Variants in ERC1 observed in about 807,000 individuals in gnomAD.
The protein encoded by ERC1 is ELKS/RAB6-interacting/CAST family member 1.
In ERC1, 56 loss-of-function variants were observed where a neutral mutation model predicts 132.0. That is an observed-to-expected ratio of 0.42 (90% confidence interval 0.34 to 0.53). The LOEUF is 0.53. ERC1 is among the 20% of genes least tolerant of loss of function. The pLI, the probability that ERC1 is intolerant of heterozygous loss-of-function variation, is 0.03. For synonymous variants in ERC1, 478 were observed against 476.1 expected, an observed-to-expected ratio of 1.00 and a Z score of -0.05; for missense variants, 1,202 against 1,349.9, an observed-to-expected ratio of 0.89 and a Z score of 1.72.
intron 8 of ERC1, among the ~76,000 whole-genome samples, chr12:1,154,266 TATACACATATAC>T (rs1408207264): frequency 1.3e-5 from 2 of 149,180 alleles, no homozygotes; most frequent in Non-Finnish European, 3.0e-5. Flanking sequence ...TATGTGTATA[TATACACATATAC>T]ATGTATATAT....
chr12:1,439,772 G>C (rs1157198169), intron 17 of ERC1, among the ~76,000 whole-genome samples: 1 of 152,134 alleles, frequency 6.6e-6, no homozygotes, highest in East Asian at 1.9e-4. Flanking sequence ...TATAACTTAC[G>C]GGTCCTGTAA....
intron 15 of ERC1, among the ~76,000 whole-genome samples, chr12:1,306,420 G>C (rs2080888087): frequency 6.6e-6 from 1 of 152,172 alleles, no homozygotes; most frequent in Non-Finnish European, 1.5e-5. Flanking sequence ...ATTTCCTGTG[G>C]AGATAAGACA....
chr12:1,460,958 C>CTTTTTTTTTTTTTTTTTTTTTTTTT (rs35505633), intron 18 of ERC1, among the ~76,000 whole-genome samples: 2 of 64,912 alleles, frequency 3.1e-5, no homozygotes, highest in African/African-American at 1.2e-4. Context: ...TGAGGAGGCC[C>CTTTTTTTTTTTTTTTTTTTTTTTTT]TTTTTTTTTT....
chr12:1,065,504 G>GTGTA (rs1938973263), intron 2 of ERC1, among the ~76,000 whole-genome samples: 3 of 150,878 alleles, frequency 2.0e-5, no homozygotes, highest in Middle Eastern at 3.4e-3. Flanking sequence ...GTGTGTGTGT[G>GTGTA]TGTGTGTGTG....
chr12:1,132,715 G>GC (rs1948878828), intron 7 of ERC1, among the ~76,000 whole-genome samples: 2 of 16,292 alleles, frequency 1.2e-4, no homozygotes. Context: ...AGATGGAAAG[G>GC]CTTTTTTCTG....
Position 1,141,650 on chromosome 12 carries a change from A to G in ERC1, c.1600A>G (p.Lys534Glu). 6.2e-7 allele frequency: 1 copy of G among 1,612,628 alleles called. No individual in the cohort carries two copies. The highest frequency in any genetic ancestry group is 8.5e-7 in the Non-Finnish European group (1 of 1,179,170). Residue 534 changes from lysine to glutamate, a missense_variant, in exon 8 of 19, where the codon AAG becomes GAG. By Grantham distance (56) the Lys-to-Glu change is moderately conservative. Transcript: ENST00000360905. ...VDALRLRLEE[K>E]ETMLNKKTKQ... is the part of the protein sequence containing the mutation. Reference sequence around the variant, plus strand: ...TGCTCTCCGATTGCGTTTGGAAGAGAAGGAAACCATGTTGAATAAAAAGAC... The same window carrying G: ...TGCTCTCCGATTGCGTTTGGAAGAGGAGGAAACCATGTTGAATAAAAAGAC...
rs1363467843 is a variant in ERC1, at chr12:1,492,152, G to A, written c.*1922G>A. 6 of 232,700 alleles carry A rather than the reference G, an allele frequency of 2.6e-5. No homozygotes were observed. Among genetic ancestry groups the A allele is most frequent in the Admixed American group, 5.6e-5 (1 of 17,770 alleles). The allele number at this position is 232,700 out of a possible 1,614,324, so 14.4% of individuals were successfully genotyped here. On this transcript the variant is annotated 3_prime_UTR_variant, in exon 19 of 19. Transcript: ENST00000360905. ...AGGAAACTGTGGAGCGTTTCTTATCGAAGGTTAAATGGACTCTGCTCATAA... is the reference window on the plus strand; with the variant it reads ...AGGAAACTGTGGAGCGTTTCTTATCAAAGGTTAAATGGACTCTGCTCATAA...
intron 16 of ERC1, among the ~76,000 whole-genome samples, chr12:1,379,280 C>G (rs747057660): frequency 8.5e-5 from 13 of 152,148 alleles, no homozygotes; most frequent in African/African-American, 2.9e-4. Flanking sequence ...AGTACATTCT[C>G]CACTTTCTAC....
Position 1,237,392 on chromosome 12 carries a change from T to C in ERC1, c.2487+488T>C, listed in dbSNP as rs542219170. Among the ~76,000 whole-genome samples, 21 of 152,342 alleles carry C rather than the reference T, an allele frequency of 1.4e-4. No individual in the cohort carries two copies. The South Asian group carries it at 3.9e-3, about 29-fold the overall frequency. ...AAGAATATTTTACAGTCATACAGAA[T>C]GTGACATATAAACTGTATTTTTTCA... On this transcript the variant is annotated intron_variant, in intron 13 of 18. Transcript: ENST00000360905.
At chr12:1,143,329 C>CGTGTGTGTGTGTGTGTGTGT (rs4017792) in intron 8 of ERC1, among the ~76,000 whole-genome samples, 2 of 128,890 alleles carry the variant, frequency 1.6e-5, no homozygotes, top group Non-Finnish European at 3.3e-5. Flanking sequence ...GCTTTTGACT[C>CGTGTGTGTGTGTGTGTGTGT]GTGTGTGTGT....
chr12:1,047,374 A>G (rs79225972), intron 2 of ERC1, among the ~76,000 whole-genome samples: 8,192 of 152,162 alleles, frequency 0.054, 369 homozygotes, highest in Admixed American at 0.15. Context: ...TTTAATGTCT[A>G]TATATATTCT....
intron 2 of ERC1, among the ~76,000 whole-genome samples, chr12:1,064,244 T>C (rs1239092693): frequency 6.6e-6 from 1 of 151,278 alleles, no homozygotes; most frequent in Non-Finnish European, 1.5e-5. Context: ...TTGAGAGACA[T>C]TATTCTGTTT....
At chr12:1,196,799 A>G (rs1348293388) in intron 12 of ERC1, among the ~76,000 whole-genome samples, 3 of 82,888 alleles carry the variant, frequency 3.6e-5, no homozygotes, top group Admixed American at 2.2e-4. Flanking sequence ...GCATGTGCGC[A>G]CGCTATTTCT....
At chr12:1,237,024 T>C (rs921193156) in intron 13 of ERC1, 120 bp downstream of exon 13, 31 of 1,192,630 alleles carry the variant, frequency 2.6e-5, no homozygotes, top group Admixed American at 1.5e-4. Context: ...GCTTGCTGCC[T>C]TCCTCTCAGA....
intron 11 of ERC1, 90 bp from the exon 12 acceptor site, chr12:1,189,768 CT>C: frequency 1.0e-6 from 1 of 1,004,916 alleles, no homozygotes; most frequent in Non-Finnish European, 1.4e-6. Context: ...TAATTCTGTA[CT>C]TAAATTGGAA....
chr12:1,211,602 C>T (rs960412517), intron 12 of ERC1, among the ~76,000 whole-genome samples: 1 of 152,156 alleles, frequency 6.6e-6, no homozygotes, highest in African/African-American at 2.4e-5. Context: ...TTTTGTCACC[C>T]AGGCTGGAGT....
intron 8 of ERC1, among the ~76,000 whole-genome samples, chr12:1,175,077 A>T (rs1156286528): frequency 6.6e-6 from 1 of 152,240 alleles, no homozygotes; most frequent in African/African-American, 2.4e-5. Flanking sequence ...TTAATTTAAA[A>T]ATACTTTATT....
At chr12:1,154,302 C>CAT (rs777079765) in intron 8 of ERC1, among the ~76,000 whole-genome samples, 1 of 146,970 alleles carries the variant, frequency 6.8e-6, no homozygotes, top group East Asian at 2.0e-4. Context: ...CACACACGTG[C>CAT]ATATATATGT....
intron 16 of ERC1, among the ~76,000 whole-genome samples, chr12:1,390,302 A>G (rs923892457): frequency 2.6e-5 from 4 of 152,294 alleles, no homozygotes; most frequent in Middle Eastern, 3.4e-3. Context: ...GTATGGCTCC[A>G]TATATTTCTA....
Sources: allele counts gnomAD v4.1 joint callset (sites outside exome capture counted in the v4.1 genomes callset), GRCh38; gene constraint gnomAD v4.1.1; transcripts MANE v1.5; gene names NCBI Gene and HGNC (gene_info 2026-07-23, HGNC 2026-07-21).